Variants in RBM15B observed in about 807,000 individuals in gnomAD.
RBM15B encodes putative RNA-binding protein 15B.
RBM15B carries 11 observed loss-of-function variants against 53.3 expected under a neutral mutation model. The ratio of observed to expected loss-of-function variants is 0.21; its 90% CI spans 0.13 to 0.34. The LOEUF (loss-of-function observed/expected upper bound fraction) is 0.34, where lower values mean the gene tolerates loss of function less well. RBM15B is among the 10% of genes least tolerant of loss of function. The pLI is 1.00. For missense variants in RBM15B, 1,136 were observed against 1,250.3 expected, an observed-to-expected ratio of 0.91 and a Z score of 1.38; for synonymous variants, 631 against 540.7, an observed-to-expected ratio of 1.17 and a Z score of -2.32.
In RBM15B at chr3:51,395,898, TTTTTG is replaced by T; in HGVS notation, c.*1831_*1835del. 1 of 413,504 alleles carries T rather than the reference TTTTTG, an allele frequency of 2.4e-6. No homozygotes were observed. Among genetic ancestry groups the T allele is most frequent in the Non-Finnish European group, 4.4e-6 (1 of 226,152 alleles). The allele number at this position is 413,504 out of a possible 1,614,324, so 25.6% of individuals were successfully genotyped here. On this transcript the variant is annotated 3_prime_UTR_variant, in exon 1 of 1. Transcript: ENST00000563281. ...TTAAGCATGTTTATTTATTTGCCTG[TTTTTG>T]TTTTTTTACTTGAGCTGTGGTCACA...
At position 51,395,522 on chromosome 3, in the gene RBM15B, C is replaced by A. The variant is rs1210776748; in HGVS notation, c.*1450C>A. 3 of 330,172 alleles carry A rather than the reference C, an allele frequency of 9.1e-6. No homozygotes were observed. Among genetic ancestry groups the A allele is most frequent in the East Asian group, 9.9e-5 (2 of 20,220 alleles). The allele number at this position is 330,172 out of a possible 1,614,324, so 20.5% of individuals were successfully genotyped here. ...TGTCACCATGGAACACCCCAAATGC[C>A]ATTCTTCAGCGTGTCTGGTACCTTG... On this transcript the variant is annotated 3_prime_UTR_variant, in exon 1 of 1. Coordinates refer to ENST00000563281, the MANE Select transcript of RBM15B (RefSeq NM_013286.5).
At position 51,393,316 on chromosome 3, in the gene RBM15B, C is replaced by T; in HGVS notation, c.1917C>T (p.Asn639=). The part of the protein sequence containing the change: ...DRTPERSRKE[N]HSSEGTKESS... Reference sequence around the variant, plus strand: ...CCCCTGAGCGCAGCCGCAAGGAGAACCACTCCAGTGAAGGGACCAAGGAGT... The same window carrying T: ...CCCCTGAGCGCAGCCGCAAGGAGAATCACTCCAGTGAAGGGACCAAGGAGT... The change falls in exon 1 of 1, where the codon AAC becomes AAT. Residue 639 remains asparagine (N), a synonymous_variant. Transcript: ENST00000563281. The surrounding 1 kb of genome is among the most constrained non-coding windows in gnomAD (Gnocchi z 5.6). 1 of 1,610,466 alleles carries T rather than the reference C, an allele frequency of 6.2e-7. No individual in the cohort carries two copies. The highest frequency in any genetic ancestry group is 8.5e-7 in the Non-Finnish European group (1 of 1,178,418).
Position 51,392,203 on chromosome 3 carries a change from C to G in RBM15B, c.804C>G (p.Pro268=), listed in dbSNP as rs782299848. The part of the protein sequence containing the change: ...GYQYKQRSLS[P]VAAPPLREPR... ...AGTACAAGCAGCGCTCGCTGTCCCC[C>G]GTCGCTGCCCCGCCCCTGCGGGAGC... is the stretch of plus-strand genomic sequence containing the variant. The change falls in exon 1 of 1, where the codon CCC becomes CCG. Residue 268 remains proline (P), a synonymous_variant. Transcript: ENST00000563281. This position sits in a 1 kb window ranked among gnomAD's most constrained non-coding sequence, Gnocchi z 7.5. 2.9e-5 allele frequency: 45 copies of G among 1,545,056 alleles called. No individual in the cohort carries two copies. Among genetic ancestry groups the G allele is most frequent in the Non-Finnish European group, 3.7e-5 (42 of 1,149,946 alleles).
At position 51,393,031 on chromosome 3, in the gene RBM15B, T is replaced by A. The variant is rs1352514941; in HGVS notation, c.1632T>A (p.Thr544=). 4 of 1,613,628 alleles carry A rather than the reference T, an allele frequency of 2.5e-6. No homozygotes were observed. Among genetic ancestry groups the A allele is most frequent in the African/African-American group, 1.3e-5 (1 of 74,892 alleles). The change falls in exon 1 of 1, where the codon ACT becomes ACA. Residue 544 remains threonine (T), a synonymous_variant. Coordinates refer to ENST00000563281, the MANE Select transcript of RBM15B (RefSeq NM_013286.5). This position sits in a 1 kb window ranked among gnomAD's most constrained non-coding sequence, Gnocchi z 5.6. ...PHLLYSDRDR[T]FLEGDWTSPS... ...TTCTGTACTCAGACCGAGACCGGAC[T>A]TTTTTGGAAGGGGACTGGACCAGCC...
chr3:51,394,188 C>A lies in RBM15B; in HGVS notation c.*116C>A. ...AATTATCTCCTGGGTTATTTTGGTT[C>A]ATTTGGGTGGGGATCAAAGTCCTGT... On this transcript the variant is annotated 3_prime_UTR_variant, in exon 1 of 1. Coordinates refer to ENST00000563281, the MANE Select transcript of RBM15B (RefSeq NM_013286.5). The A allele has an allele frequency of 8.0e-7, 1 of 1,253,102 alleles. No homozygotes were observed. The highest frequency in any genetic ancestry group is 3.7e-5 in the South Asian group (1 of 26,806). The allele number at this position is 1,253,102 out of a possible 1,614,324, so 77.6% of individuals were successfully genotyped here. A position where few individuals can be genotyped will look rare whatever the true frequency, so the allele number is the denominator to read the frequency against.
chr3:51,393,066 G>A lies in RBM15B; in HGVS notation c.1667G>A (p.Ser556Asn). ...GGGGACTGGACCAGCCCCAGTAAAA[G>A]CTCTGACCGCCGAAACAGCCTTGAG... Reference protein sequence around the residue: ...LEGDWTSPSKSSDRRNSLEGY... With the variant: ...LEGDWTSPSKNSDRRNSLEGY... Residue 556 changes from serine (S) to asparagine (N), a missense_variant, in exon 1 of 1, where the codon AGC becomes AAC. Coordinates refer to ENST00000563281, the MANE Select transcript of RBM15B (RefSeq NM_013286.5). The surrounding 1 kb of genome is among the most constrained non-coding windows in gnomAD (Gnocchi z 5.6). The A allele has an allele frequency of 6.2e-7, 1 of 1,613,842 alleles. No individual in the cohort carries two copies. The highest frequency in any genetic ancestry group is 8.5e-7 in the Non-Finnish European group (1 of 1,179,948).
chr3:51,391,418 C>G lies in RBM15B; in HGVS notation c.19C>G (p.Arg7Gly). The change falls in exon 1 of 1, where the codon CGA becomes GGA. Residue 7 changes from arginine (R) to glycine (G), a missense_variant. Arg to Gly is a moderately radical substitution (Grantham distance 125, BLOSUM62 -2). Coordinates refer to ENST00000563281, the MANE Select transcript of RBM15B (RefSeq NM_013286.5). The surrounding 1 kb of genome is among the most constrained non-coding windows in gnomAD (Gnocchi z 4.5). ...CAGCGCCATGAAGCGGCAGAGCGAG[C>G]GAGACTCTAGCCCGAGCGGGCGCGG... is the stretch of plus-strand genomic sequence containing the variant. Reference protein sequence around the residue: MKRQSERDSSPSGRGSS... With the variant: MKRQSEGDSSPSGRGSS... The G allele has an allele frequency of 1.6e-6, 2 of 1,266,330 alleles. No homozygotes were observed. Among genetic ancestry groups the G allele is most frequent in the Non-Finnish European group, 2.0e-6 (2 of 1,003,306 alleles). The allele number at this position is 1,266,330 out of a possible 1,614,324, so 78.4% of individuals were successfully genotyped here.
At position 51,391,375 on chromosome 3, in the gene RBM15B, G is replaced by GCCGC. The variant is rs1553621483; in HGVS notation, c.-15_-12dup. ...CGCCGCCGCTGTGAGAAACCTACGG[G>GCCGC]CCGCCCGCCCGCCGCGCCAGCGCCA... On this transcript the variant is annotated 5_prime_UTR_variant, in exon 1 of 1. Coordinates refer to ENST00000563281, the MANE Select transcript of RBM15B (RefSeq NM_013286.5). The surrounding 1 kb of genome is among the most constrained non-coding windows in gnomAD (Gnocchi z 4.5). 7.5e-6 allele frequency: 9 copies of GCCGC among 1,206,626 alleles called. No individual in the cohort carries two copies. Among genetic ancestry groups the GCCGC allele is most frequent in the South Asian group, 3.7e-5 (1 of 27,072 alleles). The allele number at this position is 1,206,626 out of a possible 1,614,324, so 74.7% of individuals were successfully genotyped here. A position where few individuals can be genotyped will look rare whatever the true frequency, so the allele number is the denominator to read the frequency against.
At position 51,391,742 on chromosome 3, in the gene RBM15B, C is replaced by T; in HGVS notation, c.343C>T (p.Leu115=). ...CGGCATGTCGCCCCGCGCGTCTCCT[C>T]TGCCGCCGCCTCCGCCACCGCCTGG... The part of the protein sequence containing the change: ...ASGMSPRASP[L]PPPPPPPGAE... The change falls in exon 1 of 1, where the codon CTG becomes TTG. Residue 115 remains leucine, a synonymous_variant. Transcript: ENST00000563281. The surrounding 1 kb of genome is among the most constrained non-coding windows in gnomAD (Gnocchi z 4.5). 6.5e-7 allele frequency: 1 copy of T among 1,538,318 alleles called. No individual in the cohort carries two copies. The highest frequency in any genetic ancestry group is 2.6e-5 in the East Asian group (1 of 38,012).
Position 51,394,738 on chromosome 3 carries a change from G to A in RBM15B, c.*666G>A, listed in dbSNP as rs2089115539. The A allele has an allele frequency of 6.0e-6, 1 of 167,190 alleles. No individual in the cohort carries two copies. Among genetic ancestry groups the A allele is most frequent in the African/African-American group, 2.4e-5 (1 of 41,436 alleles). 10.4% of individuals were successfully genotyped at this position (167,190 alleles called of 1,614,324 possible). A position where few individuals can be genotyped will look rare whatever the true frequency, so the allele number is the denominator to read the frequency against. ...GTGTCCATCATCATCAGTTTGAGCT[G>A]TGGCTGTTTGTTTGGGACAGAGTGC... is the stretch of plus-strand genomic sequence containing the variant. On this transcript the variant is annotated 3_prime_UTR_variant, in exon 1 of 1. Transcript: ENST00000563281.
Position 51,391,815 on chromosome 3 carries a change from A to G in RBM15B, c.416A>G (p.Lys139Arg). 2 of 1,600,486 alleles carry G rather than the reference A, an allele frequency of 1.2e-6. No individual in the cohort carries two copies. Among genetic ancestry groups the G allele is most frequent in the African/African-American group, 1.3e-5 (1 of 74,650 alleles). ...PGSSAAAPEY[K>R]TLLISSLSPA... Reference sequence around the variant, plus strand: ...TCATCCGCGGCCGCGCCTGAGTACAAGACGTTGCTCATCAGCAGCTTGAGC... The same window carrying G: ...TCATCCGCGGCCGCGCCTGAGTACAGGACGTTGCTCATCAGCAGCTTGAGC... Residue 139 changes from lysine to arginine, a missense_variant, in exon 1 of 1, where the codon AAG becomes AGG. By Grantham distance (26) the Lys-to-Arg change is conservative. Coordinates refer to ENST00000563281, the MANE Select transcript of RBM15B (RefSeq NM_013286.5). The surrounding 1 kb of genome is among the most constrained non-coding windows in gnomAD (Gnocchi z 4.5).
In RBM15B at chr3:51,391,491, AGGCG is replaced by A; in HGVS notation, c.102_105del (p.Arg35GlyfsTer111). On this transcript the variant is annotated frameshift_variant, in exon 1 of 1. Coordinates refer to ENST00000563281, the MANE Select transcript of RBM15B (RefSeq NM_013286.5). LOFTEE classifies it high-confidence loss of function. The surrounding 1 kb of genome is among the most constrained non-coding windows in gnomAD (Gnocchi z 4.5). ...CCGCGGGAGCGCGAACGGGAGGCGGAGGCGGGCGGGCGGCGGGCGGCGCACAAGG... is the reference window on the plus strand; with the variant it reads ...CCGCGGGAGCGCGAACGGGAGGCGGAGGCGGGCGGCGGGCGGCGCACAAGG... 2 of 1,209,272 alleles carry A rather than the reference AGGCG, an allele frequency of 1.7e-6. No homozygotes were observed. Among genetic ancestry groups the A allele is most frequent in the Non-Finnish European group, 1.0e-6 (1 of 973,660 alleles). 74.9% of individuals were successfully genotyped at this position (1,209,272 alleles called of 1,614,324 possible).
rs781812406 is a variant in RBM15B at position 51,393,979 on chromosome 3, C to T, written c.2580C>T (p.Asp860=). The change falls in exon 1 of 1, where the codon GAC becomes GAT. Residue 860 remains aspartate, a synonymous_variant. Coordinates refer to ENST00000563281, the MANE Select transcript of RBM15B (RefSeq NM_013286.5). This position sits in a 1 kb window ranked among gnomAD's most constrained non-coding sequence, Gnocchi z 5.6. Reference sequence around the variant, plus strand: ...TGCTCTACGCCTTCCCACCCTGCGACTTTTCCCAGCAGTACCTCCAGTCAG... The same window carrying T: ...TGCTCTACGCCTTCCCACCCTGCGATTTTTCCCAGCAGTACCTCCAGTCAG... The part of the protein sequence containing the change: ...TGMLYAFPPC[D]FSQQYLQSAL... 3.5e-5 allele frequency: 53 copies of T among 1,513,470 alleles called. No individual in the cohort carries two copies. Among genetic ancestry groups the T allele is most frequent in the Non-Finnish European group, 4.3e-5 (49 of 1,131,720 alleles). 93.8% of individuals were successfully genotyped at this position (1,513,470 alleles called of 1,614,324 possible).
chr3:51,393,477 C>T lies in RBM15B; in HGVS notation c.2078C>T (p.Ala693Val). ...DSERNHRTTE[A>V]EPKPLEEPKH... ...GAGCGCAATCACCGGACCACAGAGG[C>T]CGAGCCCAAGCCTCTGGAAGAGCCA... Residue 693 changes from alanine to valine, a missense_variant, in exon 1 of 1, where the codon GCC becomes GTC. By Grantham distance (64) the Ala-to-Val change is moderately conservative. This residue lies in a region of RBM15B where 578 missense variants were observed against 581.6 expected (regional missense o/e 0.99). Transcript: ENST00000563281. This position sits in a 1 kb window ranked among gnomAD's most constrained non-coding sequence, Gnocchi z 5.6. 6.2e-7 allele frequency: 1 copy of T among 1,613,946 alleles called. No homozygotes were observed.
chr3:51,391,847 C>A lies in RBM15B; in HGVS notation c.448C>A (p.Leu150Met). ...GCTCATCAGCAGCTTGAGCCCCGCG[C>A]TGCCCGCCGAGCACCTCGAGGACCG... ...TLLISSLSPA[L>M]PAEHLEDRLF... is the part of the protein sequence containing the mutation. Residue 150 changes from leucine (L) to methionine (M), a missense_variant, in exon 1 of 1, where the codon CTG becomes ATG. Transcript: ENST00000563281. The surrounding 1 kb of genome is among the most constrained non-coding windows in gnomAD (Gnocchi z 4.5). 6.2e-7 allele frequency: 1 copy of A among 1,603,086 alleles called. No homozygotes were observed. The highest frequency in any genetic ancestry group is 8.5e-7 in the Non-Finnish European group (1 of 1,179,362).
In RBM15B at chr3:51,392,317, C is replaced by T. The variant is rs782628738; in HGVS notation, c.918C>T (p.Tyr306=). Residue 306 remains tyrosine, a synonymous_variant, in exon 1 of 1, where the codon TAC becomes TAT. Transcript: ENST00000563281. This position sits in a 1 kb window ranked among gnomAD's most constrained non-coding sequence, Gnocchi z 7.5. ...TGTCCCGGGAGCGGGCCCTGGACTA[C>T]TACGGGCTGTACGACGACCGTGGGC... ...VGLSRERALD[Y]YGLYDDRGRP... 7.4e-6 allele frequency: 12 copies of T among 1,612,538 alleles called. No individual in the cohort carries two copies. Among genetic ancestry groups the T allele is most frequent in the Non-Finnish European group, 7.6e-6 (9 of 1,179,778 alleles).
At position 51,395,473 on chromosome 3, in the gene RBM15B, G is replaced by A. The variant is rs2089145721; in HGVS notation, c.*1401G>A. 4.1e-6 allele frequency: 1 copy of A among 243,072 alleles called. No homozygotes were observed. Among genetic ancestry groups the A allele is most frequent in the Non-Finnish European group, 8.5e-6 (1 of 118,098 alleles). The allele number at this position is 243,072 out of a possible 1,614,324, so 15.1% of individuals were successfully genotyped here. A position where few individuals can be genotyped will look rare whatever the true frequency, so the allele number is the denominator to read the frequency against. ...GGTACTGCGGACAGTGTGGGCCAGG[G>A]AGGAAAACCAGAGCACACAGTTTTG... On this transcript the variant is annotated 3_prime_UTR_variant, in exon 1 of 1. Transcript: ENST00000563281.
chr3:51,392,040 T>C lies in RBM15B; in HGVS notation c.641T>C (p.Val214Ala). The change falls in exon 1 of 1, where the codon GTA becomes GCA. Residue 214 changes from valine to alanine, a missense_variant. Val to Ala is a moderately conservative substitution (Grantham distance 64, BLOSUM62 0). Around this residue, in one of 7 missense-constraint regions of RBM15B, gnomAD observed 204 missense variants for 196.8 expected, o/e 1.04. Coordinates refer to ENST00000563281, the MANE Select transcript of RBM15B (RefSeq NM_013286.5). This position sits in a 1 kb window ranked among gnomAD's most constrained non-coding sequence, Gnocchi z 7.5. ...CTGCTCTACGACCGCCCGCTCAAGG[T>C]AGAGCCCGTGTACCTGCGTGGCGGC... is the stretch of plus-strand genomic sequence containing the variant. ...QLLLYDRPLK[V>A]EPVYLRGGGG... The C allele has an allele frequency of 6.3e-7, 1 of 1,596,718 alleles. No individual in the cohort carries two copies. The highest frequency in any genetic ancestry group is 8.5e-7 in the Non-Finnish European group (1 of 1,178,226).
At position 51,396,305 on chromosome 3, in the gene RBM15B, A is replaced by AAAAG. The variant is rs1305848327; in HGVS notation, c.*2236_*2239dup. ...CAGAGAAAGGTGTCCCATGGCCCCA[A>AAAAG]AAAGAACTGCCAAGTTTTGGTGAGG... On this transcript the variant is annotated 3_prime_UTR_variant, in exon 1 of 1. Transcript: ENST00000563281. The AAAAG allele has an allele frequency of 5.4e-6, 1 of 183,938 alleles. No homozygotes were observed. Among genetic ancestry groups the AAAAG allele is most frequent in the Admixed American group, 6.4e-5 (1 of 15,738 alleles). 11.4% of individuals were successfully genotyped at this position (183,938 alleles called of 1,614,324 possible).
Sources: gnomAD v4.1 joint callset for allele counts on GRCh38, gnomAD v4.1.1 for gene constraint, gnomAD v4.1.1 regional missense constraint, Gnocchi (gnomAD v3.1) non-coding constraint, MANE v1.5 for transcripts, NCBI Gene and HGNC (gene_info 2026-07-23, HGNC 2026-07-21) for gene names.